PIK3C2G: variants seen among roughly 807,000 people sequenced by gnomAD.
PIK3C2G encodes the protein phosphatidylinositol-4-phosphate 3-kinase catalytic subunit type 2 gamma, also known as phosphatidylinositol 3-kinase C2 domain-containing subunit gamma.
Under a neutral mutation model 181.1 loss-of-function variants are expected in PIK3C2G, and 168 were observed. The ratio of observed to expected loss-of-function variants is 0.93; its 90% CI spans 0.82 to 1.05. The LOEUF is 1.05. PIK3C2G is among the 50% of genes least tolerant of loss of function. PIK3C2G has a pLI of 0.00. For missense variants in PIK3C2G, 1,869 were observed against 1,732.8 expected (o/e 1.08, Z -1.40); for synonymous variants, 573 against 592.2 (o/e 0.97, Z 0.47).
At chr12:18,534,698 AAAG>A (rs1357186959) in intron 24 of PIK3C2G, among the ~76,000 whole-genome samples, 9 of 5,446 alleles carry the variant, frequency 1.7e-3, no homozygotes, top group Non-Finnish European at 3.7e-3. Context: ...GATTAAAAAA[AAAG>A]AAAGGCTTCT....
the PIK3C2G span, chr12:18,696,348 A>ATATATATATATATC: frequency 4.7e-5 from 10 of 214,318 alleles, no homozygotes; most frequent in East Asian, 1.4e-4. Context: ...ATATATATAT[A>ATATATATATATATC]TATCATATAA....
At chr12:18,630,034 C>A (rs1212002449) in intron 31 of PIK3C2G, among the ~76,000 whole-genome samples, 1 of 152,142 alleles carries the variant, frequency 6.6e-6, no homozygotes, top group African/African-American at 2.4e-5. Flanking sequence ...TATCCACCCT[C>A]TACCAAGCAC....
At chr12:18,688,262 G>A in the PIK3C2G span, 7 of 1,552,376 alleles carry the variant, frequency 4.5e-6, no homozygotes, top group African/African-American at 2.7e-5. Flanking sequence ...AAGATATTAA[G>A]TTACATCACC....
the PIK3C2G span, chr12:18,693,469 T>C: frequency 4.4e-6 from 7 of 1,606,798 alleles, no homozygotes; most frequent in South Asian, 6.6e-5. Flanking sequence ...CTGGCACAGG[T>C]AAAACCTTGT....
intron 13 of PIK3C2G, among the ~76,000 whole-genome samples, chr12:18,377,707 C>A (rs1942550920): frequency 6.6e-6 from 1 of 152,076 alleles, no homozygotes; most frequent in Non-Finnish European, 1.5e-5. Flanking sequence ...TTTTGTGTCT[C>A]CTGCCTTCAA....
intron 1 of PIK3C2G, among the ~76,000 whole-genome samples, chr12:18,272,183 T>A (rs11043992): frequency 6.6e-6 from 1 of 152,336 alleles, no homozygotes; most frequent in East Asian, 1.9e-4. Context: ...AATGTATTCC[T>A]GCTCCGTTTA....
the PIK3C2G span, among the ~76,000 whole-genome samples, chr12:18,678,327 T>C: frequency 6.6e-6 from 1 of 152,116 alleles, no homozygotes; most frequent in East Asian, 1.9e-4. Context: ...TATTTTTCTT[T>C]TCAGGATTTG....
intron 4 of PIK3C2G, among the ~76,000 whole-genome samples, chr12:18,291,927 G>T (rs1052991243): frequency 6.6e-6 from 1 of 151,136 alleles, no homozygotes; most frequent in African/African-American, 2.4e-5. Flanking sequence ...AGAATATAGG[G>T]GCTGGGCACA....
intron 30 of PIK3C2G, among the ~76,000 whole-genome samples, chr12:18,596,136 C>G (rs537296774): frequency 6.6e-6 from 1 of 152,120 alleles, no homozygotes; most frequent in Admixed American, 6.6e-5. Context: ...CCTTGATATT[C>G]TCTATCAAGG....
intron 30 of PIK3C2G, among the ~76,000 whole-genome samples, chr12:18,597,222 A>C (rs1488513811): frequency 1.3e-5 from 2 of 152,024 alleles, no homozygotes; most frequent in Non-Finnish European, 2.9e-5. Context: ...ATTGGGTGGT[A>C]GATGAAATAG....
At chr12:18,516,261 G>GTTTTTTTTTTTTTTTTTTTTTTTTTT (rs34294540) in intron 24 of PIK3C2G, among the ~76,000 whole-genome samples, 1 of 138,374 alleles carries the variant, frequency 7.2e-6, no homozygotes, top group Non-Finnish European at 1.6e-5. Flanking sequence ...TTGACTGATG[G>GTTTTTTTTTTTTTTTTTTTTTTTTTT]TTTTTTTTTT....
At chr12:18,609,954 T>A (rs1948250691) in intron 31 of PIK3C2G, among the ~76,000 whole-genome samples, 1 of 152,076 alleles carries the variant, frequency 6.6e-6, no homozygotes. Context: ...GGGTCCCATA[T>A]TTCCTTCTCC....
rs963006879 is a variant in PIK3C2G, at chr12:18,417,011, T to C, written c.2316-3930T>C. On this transcript the variant is annotated intron_variant, in intron 16 of 32. Transcript: ENST00000538779. ...ACCATTCTAGATATAATTAAGAACA[T>C]TGGTGATTCATGGGAAGAGGTCAAA... is the stretch of plus-strand genomic sequence containing the variant. Among the ~76,000 whole-genome samples, 16 of 152,252 alleles carry C rather than the reference T, an allele frequency of 1.1e-4. 1 individual carries two copies. The highest frequency in any genetic ancestry group is 2.9e-4 in the African/African-American group (12 of 41,558).
intron 11 of PIK3C2G, among the ~76,000 whole-genome samples, chr12:18,357,161 G>A (rs576224500): frequency 6.6e-6 from 1 of 152,238 alleles, no homozygotes; most frequent in East Asian, 1.9e-4. Flanking sequence ...TAAAAGACCT[G>A]TTTGCTGTTT....
At chr12:18,705,295 C>A in the PIK3C2G span, 7 of 1,614,048 alleles carry the variant, frequency 4.3e-6, no homozygotes, top group Non-Finnish European at 5.9e-6. Context: ...CTAAAGAGAG[C>A]ACCACTGGGT....
intron 24 of PIK3C2G, among the ~76,000 whole-genome samples, chr12:18,530,210 T>C (rs908858071): frequency 6.6e-6 from 1 of 152,146 alleles, no homozygotes; most frequent in African/African-American, 2.4e-5. Flanking sequence ...TCTACTTTTC[T>C]ACCCAATAAA....
At chr12:18,686,697 A>G in the PIK3C2G span, among the ~76,000 whole-genome samples, 6 of 152,044 alleles carry the variant, frequency 3.9e-5, no homozygotes, top group Admixed American at 3.9e-4. Flanking sequence ...GAATTACTCT[A>G]AATCATAATT....
chr12:18,684,336 T>A, the PIK3C2G span: 1 of 1,503,046 alleles, frequency 6.7e-7, no homozygotes, highest in Non-Finnish European at 9.1e-7. Context: ...TAGGAAAAAA[T>A]AGATTACATT....
intron 29 of PIK3C2G, among the ~76,000 whole-genome samples, chr12:18,584,740 A>G (rs971077561): frequency 2.6e-5 from 4 of 152,174 alleles, no homozygotes; most frequent in African/African-American, 4.8e-5. Flanking sequence ...ACACATAACT[A>G]TCAGATTTTC....
Sources: allele counts gnomAD v4.1 joint callset (sites outside exome capture counted in the v4.1 genomes callset), GRCh38; gene constraint gnomAD v4.1.1; transcripts MANE v1.5; gene names NCBI Gene and HGNC (gene_info 2026-07-23, HGNC 2026-07-21).